EPHA3: variants seen among roughly 807,000 people sequenced by gnomAD.
The protein encoded by EPHA3 is ephrin type-A receptor 3.
Under a neutral mutation model 107.1 loss-of-function variants are expected in EPHA3, and 42 were observed. That is an observed-to-expected ratio of 0.39 (90% CI 0.31 to 0.51). EPHA3 has a LOEUF of 0.51. EPHA3 is among the 20% of genes least tolerant of loss of function. The probability of loss-of-function intolerance (pLI) is 0.78; values close to 1 mark genes in which losing one functional copy is unlikely to be tolerated. For synonymous variants in EPHA3, 461 were observed against 424.8 expected (o/e 1.09, Z -1.05); for missense variants, 1,183 against 1,211.2 (o/e 0.98, Z 0.35).
chr3:89,404,589 T>C (rs60080797), intron 7 of EPHA3, among the ~76,000 whole-genome samples: 5,537 of 152,264 alleles, frequency 0.036, 350 homozygotes, highest in African/African-American at 0.12. Context: ...CATTAAATTA[T>C]TAGACACCTA....
intron 2 of EPHA3, among the ~76,000 whole-genome samples, chr3:89,136,344 T>TTTTTTTTTTTG: frequency 7.3e-6 from 1 of 137,270 alleles, no homozygotes. Flanking sequence ...TTTTTTTTTT[T>TTTTTTTTTTTG]TTTTTTTTTT....
intron 3 of EPHA3, among the ~76,000 whole-genome samples, chr3:89,244,888 T>C (rs2107251995): frequency 6.6e-6 from 1 of 152,326 alleles, no homozygotes; most frequent in South Asian, 2.1e-4. Flanking sequence ...CCTATGAAAA[T>C]GCAATTGAGC....
At chr3:89,430,354 T>C (rs1029391560) in intron 12 of EPHA3, among the ~76,000 whole-genome samples, 1 of 152,170 alleles carries the variant, frequency 6.6e-6, no homozygotes, top group Non-Finnish European at 1.5e-5. Flanking sequence ...AGAAAGGATA[T>C]GCTTTATATT....
intron 3 of EPHA3, among the ~76,000 whole-genome samples, chr3:89,240,597 A>G (rs1470423636): frequency 6.6e-6 from 1 of 152,068 alleles, no homozygotes; most frequent in African/African-American, 2.4e-5. Context: ...TATAGTGTGT[A>G]TATTTTTTAT....
chr3:89,397,638 C>A lies in EPHA3; in HGVS notation c.1431+1677C>A, dbSNP rs1412550889. On this transcript the variant is annotated intron_variant, in intron 6 of 16. Coordinates refer to ENST00000336596, the MANE Select transcript of EPHA3 (RefSeq NM_005233.6). ...CACTCTTGTTGCCCAGGCTGGAGTG[C>A]AATGGCATGATCTCGGCTCACCGCC... Among the ~76,000 whole-genome samples, 6 of 144,254 alleles carry A rather than the reference C, an allele frequency of 4.2e-5. No homozygotes were observed. In the Admixed American group the frequency reaches 4.4e-4, roughly 11 times the overall value. The allele number at this position is 144,254 out of a possible 152,430, so 94.6% of individuals were successfully genotyped here.
intron 3 of EPHA3, among the ~76,000 whole-genome samples, chr3:89,223,042 C>A (rs1704417265): frequency 6.6e-6 from 1 of 152,080 alleles, no homozygotes; most frequent in Admixed American, 6.6e-5. Context: ...TTTAAAGCAA[C>A]CCTTTCATTA....
intron 3 of EPHA3, among the ~76,000 whole-genome samples, chr3:89,306,579 A>G (rs955137742): frequency 6.6e-6 from 1 of 152,184 alleles, no homozygotes; most frequent in African/African-American, 2.4e-5. Flanking sequence ...AACCTTCTAG[A>G]AACAAAGGAA....
intron 11 of EPHA3, among the ~76,000 whole-genome samples, chr3:89,424,997 C>G (rs1709428136): frequency 6.6e-6 from 1 of 151,382 alleles, no homozygotes; most frequent in South Asian, 2.1e-4. Context: ...GAAATTATCT[C>G]TAGCCAGTCT....
chr3:89,137,435 A>G (rs1358083812), intron 2 of EPHA3, among the ~76,000 whole-genome samples: 15 of 152,010 alleles, frequency 9.9e-5, no homozygotes, highest in Non-Finnish European at 1.5e-5. Context: ...GTTTCTTTTG[A>G]AAGATTAAAA....
At chr3:89,373,974 CTAT>C in intron 5 of EPHA3, among the ~76,000 whole-genome samples, 1 of 151,736 alleles carries the variant, frequency 6.6e-6, no homozygotes, top group East Asian at 1.9e-4. Flanking sequence ...CTATTCAATA[CTAT>C]ATATAATAAA....
intron 5 of EPHA3, among the ~76,000 whole-genome samples, chr3:89,355,661 C>G (rs1312421460): frequency 6.6e-6 from 1 of 150,782 alleles, no homozygotes; most frequent in African/African-American, 2.4e-5. Context: ...GTAAGTCCTA[C>G]ACATAGATTG....
chr3:89,334,406 T>C (rs1420136092), intron 3 of EPHA3, among the ~76,000 whole-genome samples: 1 of 152,238 alleles, frequency 6.6e-6, no homozygotes, highest in Non-Finnish European at 1.5e-5. Flanking sequence ...GTGATGAACA[T>C]GAAGTTAATT....
Position 89,467,612 on chromosome 3 carries a change from C to T in EPHA3, c.2691-4852C>T, listed in dbSNP as rs1710311785. Among the ~76,000 whole-genome samples, 4 of 151,978 alleles carry T rather than the reference C, an allele frequency of 2.6e-5. No individual in the cohort carries two copies. In the South Asian group the frequency reaches 8.3e-4, roughly 32 times the overall value. Reference sequence around the variant, plus strand: ...TGGCAGTTGTTTATTGAGCTTTTTCCCCAGTATCTGGTGCTAATTTTTATG... The same window carrying T: ...TGGCAGTTGTTTATTGAGCTTTTTCTCCAGTATCTGGTGCTAATTTTTATG... On this transcript the variant is annotated intron_variant, in intron 15 of 16. Transcript: ENST00000336596.
intron 2 of EPHA3, among the ~76,000 whole-genome samples, chr3:89,155,385 C>T (rs1172089119): frequency 6.6e-6 from 1 of 151,984 alleles, no homozygotes. Flanking sequence ...GGGTGTATAC[C>T]TTGTGCCAAG....
chr3:89,153,245 T>C lies in EPHA3; in HGVS notation c.153+25972T>C, dbSNP rs564493065. Among the ~76,000 whole-genome samples the C allele has an allele frequency of 2.6e-5, 4 of 152,150 alleles. No individual in the cohort carries two copies. The East Asian group carries it at 7.8e-4, about 30-fold the overall frequency. On this transcript the variant is annotated intron_variant, in intron 2 of 16. Transcript: ENST00000336596. ...ATGAGTCAGAGAGAAGATGAGAATG[T>C]TTCATATATTTACTTCACTTAAGAT...
chr3:89,351,109 G>C (rs149840522), intron 5 of EPHA3, among the ~76,000 whole-genome samples: 5,883 of 151,354 alleles, frequency 0.039, 427 homozygotes, highest in African/African-American at 0.14. Flanking sequence ...AGCCTACAGT[G>C]GCAGGCAGGA....
At chr3:89,325,461 C>T (rs191070992) in intron 3 of EPHA3, among the ~76,000 whole-genome samples, 18 of 152,278 alleles carry the variant, frequency 1.2e-4, no homozygotes, top group Non-Finnish European at 1.5e-5. Flanking sequence ...TCAATAACCC[C>T]TGATAACACT....
intron 10 of EPHA3, among the ~76,000 whole-genome samples, chr3:89,413,726 T>C (rs1709197492): frequency 1.3e-5 from 2 of 151,766 alleles, no homozygotes; most frequent in Non-Finnish European, 2.9e-5. Flanking sequence ...GTGGATATTT[T>C]AAATAATATA....
chr3:89,267,465 TA>T (rs1436223872), intron 3 of EPHA3, among the ~76,000 whole-genome samples: 1 of 152,048 alleles, frequency 6.6e-6, no homozygotes, highest in Non-Finnish European at 1.5e-5. Context: ...CTATTCTTAT[TA>T]AAAAAGAAAG....
Sources: gnomAD v4.1 joint callset for allele counts (sites outside exome capture counted in the v4.1 genomes callset) on GRCh38, gnomAD v4.1.1 for gene constraint, MANE v1.5 for transcripts, NCBI Gene and HGNC (gene_info 2026-07-23, HGNC 2026-07-21) for gene names.